Variants in TXNDC5 observed in about 807,000 individuals in gnomAD.
TXNDC5 encodes the protein thioredoxin domain-containing protein 5.
Under a neutral mutation model 52.6 loss-of-function variants are expected in TXNDC5, and 44 were observed. The ratio of observed to expected loss-of-function variants is 0.84; its 90% CI spans 0.66 to 1.08. The LOEUF is 1.08. TXNDC5 is among the 50% of genes least tolerant of loss of function. The pLI, the probability that TXNDC5 is intolerant of heterozygous loss-of-function variation, is 0.00. For missense variants in TXNDC5, 600 were observed against 565.5 expected (o/e 1.06, Z -0.62); for synonymous variants, 241 against 234.4 (o/e 1.03, Z -0.26).
chr6:7,886,879 C>T (rs1057488607), intron 7 of TXNDC5, among the ~76,000 whole-genome samples: 3 of 152,172 alleles, frequency 2.0e-5, no homozygotes, highest in Non-Finnish European at 4.4e-5. Context: ...CTGTGGAACA[C>T]TACCATCTTT....
intron 4 of TXNDC5, among the ~76,000 whole-genome samples, chr6:7,893,772 C>G (rs1760278687): frequency 6.6e-6 from 1 of 152,232 alleles, no homozygotes; most frequent in Admixed American, 6.5e-5. Context: ...GGGAGGGGCT[C>G]TGACTCCCAG....
intron 3 of TXNDC5, among the ~76,000 whole-genome samples, chr6:7,898,005 T>A (rs1248794570): frequency 2.6e-5 from 4 of 152,078 alleles, no homozygotes; most frequent in African/African-American, 9.7e-5. Context: ...GTTAGGTAAG[T>A]CTCTGGTTCA....
At chr6:7,890,201 T>C (rs578130291) in intron 5 of TXNDC5, among the ~76,000 whole-genome samples, 3 of 152,324 alleles carry the variant, frequency 2.0e-5, no homozygotes, top group South Asian at 4.1e-4. Flanking sequence ...TTGCCCAACA[T>C]TTTCATGAAA....
intron 2 of TXNDC5, 121 bp downstream of exon 2, chr6:7,904,453 T>TAATGACAGGGACTGCCTGCTTA (rs1292143028): frequency 2.3e-6 from 3 of 1,307,844 alleles, no homozygotes; most frequent in Non-Finnish European, 3.2e-6. Flanking sequence ...AGTTTCTCCC[T>TAATGACAGGGACTGCCTGCTTA]AATGACAGGG....
In TXNDC5 at chr6:7,883,195, G is replaced by A. The variant is rs771837160; in HGVS notation, c.1248C>T (p.Asp416=). ...GGACAAAGCGGTGTAACGAGTCAAGGTCTCTGCCTCCACTGTGCTCACTGA... is the reference window on the plus strand; with the variant it reads ...GGACAAAGCGGTGTAACGAGTCAAGATCTCTGCCTCCACTGTGCTCACTGA... ...KKVSEHSGGR[D]LDSLHRFVLS... Residue 416 remains aspartate (D), a synonymous_variant, in exon 10 of 10, where the codon GAC becomes GAT. Coordinates refer to ENST00000379757, the MANE Select transcript of TXNDC5 (RefSeq NM_030810.5). 3.7e-6 allele frequency: 6 copies of A among 1,614,184 alleles called. No individual in the cohort carries two copies. The highest frequency in any genetic ancestry group is 5.1e-6 in the Non-Finnish European group (6 of 1,180,032).
At chr6:7,889,142 C>A in intron 6 of TXNDC5, 1 of 455,474 alleles carries the variant, frequency 2.2e-6, no homozygotes, top group African/African-American at 2.0e-5. Flanking sequence ...AGCTGCTGAC[C>A]ATCGGCCAGG....
Position 7,910,684 on chromosome 6 carries a change from G to A in TXNDC5, c.93C>T (p.Gly31=). 2.7e-6 allele frequency: 3 copies of A among 1,107,174 alleles called. No individual in the cohort carries two copies. Among genetic ancestry groups the A allele is most frequent in the South Asian group, 4.0e-5 (1 of 24,908 alleles). The allele number at this position is 1,107,174 out of a possible 1,614,324, so 68.6% of individuals were successfully genotyped here. ...CCTGGGCCCGGGCGCCCCAGCGCCC[G>A]CCGCCGCCATGGCCCAGCAGCAGCA... ...LLLLLLGHGG[G]GRWGARAQEA... The change falls in exon 1 of 10, where the codon GGC becomes GGT. Residue 31 remains glycine, a synonymous_variant. Transcript: ENST00000379757.
intron 3 of TXNDC5, among the ~76,000 whole-genome samples, chr6:7,896,477 TG>T (rs1334707459): frequency 6.6e-6 from 1 of 152,338 alleles, no homozygotes; most frequent in South Asian, 2.1e-4. Context: ...AGCTTTTATC[TG>T]GGGGTTCATA....
intron 1 of TXNDC5, among the ~76,000 whole-genome samples, chr6:7,905,097 G>C (rs1760690752): frequency 6.6e-6 from 1 of 152,168 alleles, no homozygotes; most frequent in African/African-American, 2.4e-5. Flanking sequence ...ACTATAGCTT[G>C]GCTTGGCCCT....
chr6:7,894,249 C>T (rs546887205), intron 4 of TXNDC5, among the ~76,000 whole-genome samples: 17 of 151,418 alleles, frequency 1.1e-4, no homozygotes, highest in South Asian at 6.3e-4. Flanking sequence ...TTCAGGAGTG[C>T]GCTTACCATA....
In TXNDC5 at chr6:7,891,701, C is replaced by T. The variant is rs767164392; in HGVS notation, c.652G>A (p.Gly218Ser). ...GTTGGAGCCAGGGCTTTGCAGTGAC[C>T]ACACCACGGAGCGAAGAACTTGATA... is the stretch of plus-strand genomic sequence containing the variant. ...HFIKFFAPWCGHCKALAPTWE... is the reference protein window; with the variant it reads ...HFIKFFAPWCSHCKALAPTWE... Residue 218 changes from glycine to serine, a missense_variant, in exon 5 of 10, where the codon GGT becomes AGT. Transcript: ENST00000379757. 2.5e-6 allele frequency: 4 copies of T among 1,613,764 alleles called. No individual in the cohort carries two copies. Among genetic ancestry groups the T allele is most frequent in the Non-Finnish European group, 3.4e-6 (4 of 1,179,884 alleles).
chr6:7,884,551 G>A, intron 8 of TXNDC5, 63 bp from the exon 9 acceptor site: 3 of 1,606,210 alleles, frequency 1.9e-6, no homozygotes, highest in South Asian at 1.1e-5. Flanking sequence ...CCTACACTCT[G>A]CTGCCAAGAC....
chr6:7,896,595 C>T (rs1383612889), intron 3 of TXNDC5, among the ~76,000 whole-genome samples: 1 of 152,240 alleles, frequency 6.6e-6, no homozygotes, highest in African/African-American at 2.4e-5. Context: ...AGTTTCCCTT[C>T]TGCTGCCAGC....
At chr6:7,888,679 G>C in intron 7 of TXNDC5, 26 bp downstream of exon 7, 2 of 1,594,686 alleles carry the variant, frequency 1.3e-6, no homozygotes, top group Non-Finnish European at 1.7e-6. Context: ...CCACTTATGG[G>C]GATCCCGACT....
At chr6:7,894,026 T>A (rs986233407) in intron 4 of TXNDC5, among the ~76,000 whole-genome samples, 1 of 152,056 alleles carries the variant, frequency 6.6e-6, no homozygotes, top group Non-Finnish European at 1.5e-5. Flanking sequence ...AGGAGACCAT[T>A]TGCAAAAAAT....
intron 2 of TXNDC5, among the ~76,000 whole-genome samples, chr6:7,900,643 A>G (rs2113357189): frequency 6.6e-6 from 1 of 152,370 alleles, no homozygotes; most frequent in South Asian, 2.1e-4. Context: ...AGAAGACCAC[A>G]GATTGGGTGT....
Position 7,889,539 on chromosome 6 carries a change from C to G in TXNDC5, c.775G>C (p.Val259Leu). Residue 259 changes from valine to leucine, a missense_variant, in exon 6 of 10, where the codon GTT becomes CTT. Physicochemically the swap from Val to Leu is conservative, Grantham distance 32 (BLOSUM62 1). Coordinates refer to ENST00000379757, the MANE Select transcript of TXNDC5 (RefSeq NM_030810.5). ...QHYELCSGNQ[V>L]RGYPTLLWFR... Reference sequence around the variant, plus strand: ...CAGAGAAGAGTGGGATAGCCACGAACCTGGTTTCCGGAGCAGAGTTCATAG... The same window carrying G: ...CAGAGAAGAGTGGGATAGCCACGAAGCTGGTTTCCGGAGCAGAGTTCATAG... The G allele has an allele frequency of 1.9e-6, 3 of 1,613,660 alleles. No individual in the cohort carries two copies. Among genetic ancestry groups the G allele is most frequent in the Non-Finnish European group, 2.5e-6 (3 of 1,179,616 alleles).
At chr6:7,886,160 C>T (rs138324234) in intron 7 of TXNDC5, 117 bp from the exon 8 acceptor site, 3 of 793,950 alleles carry the variant, frequency 3.8e-6, no homozygotes, top group Non-Finnish European at 6.1e-6. Flanking sequence ...TACGTAGGCT[C>T]CAAGGTCACA....
intron 1 of TXNDC5, among the ~76,000 whole-genome samples, chr6:7,905,408 G>C (rs1396290574): frequency 6.6e-6 from 1 of 151,988 alleles, no homozygotes; most frequent in Admixed American, 6.5e-5. Context: ...TCTCCAATGA[G>C]AAGGGGAAAA....
Sources: gnomAD v4.1 joint callset for allele counts (sites outside exome capture counted in the v4.1 genomes callset) on GRCh38, gnomAD v4.1.1 for gene constraint, MANE v1.5 for transcripts, NCBI Gene and HGNC (gene_info 2026-07-23, HGNC 2026-07-21) for gene names.